The following RIT2 variants were observed in gnomAD, a reference collection of about 807,000 sequenced individuals.
RIT2 encodes Ras like without CAAX 2.
Under a neutral mutation model 23.7 loss-of-function variants are expected in RIT2, and 24 were observed. The ratio of observed to expected loss-of-function variants is 1.01; its 90% CI spans 0.73 to 1.43. RIT2 has a LOEUF of 1.43. RIT2 is among the 40% of genes most tolerant of loss of function. The pLI, the probability that RIT2 is intolerant of heterozygous loss-of-function variation, is 0.00. For synonymous variants in RIT2, 107 were observed against 91.1 expected, an observed-to-expected ratio of 1.17 and a Z score of -0.99; for missense variants, 236 against 266.9, an observed-to-expected ratio of 0.88 and a Z score of 0.81.
intron 1 of RIT2, among the ~76,000 whole-genome samples, chr18:43,096,419 CAT>C (rs1913554654): frequency 6.6e-6 from 1 of 151,630 alleles, no homozygotes; most frequent in African/African-American, 2.4e-5. Flanking sequence ...AAGAGTACAC[CAT>C]GTGTATAATA....
intron 1 of RIT2, among the ~76,000 whole-genome samples, chr18:43,106,897 G>C (rs1568084284): frequency 6.6e-6 from 1 of 152,210 alleles, no homozygotes; most frequent in Admixed American, 6.5e-5. Context: ...GCACTGTTTG[G>C]TCAGGGTCAC....
At chr18:43,059,226 C>T (rs984351292) in intron 1 of RIT2, among the ~76,000 whole-genome samples, 9 of 151,996 alleles carry the variant, frequency 5.9e-5, no homozygotes, top group South Asian at 4.1e-4. Flanking sequence ...TACATCACCT[C>T]GTTTATCCCC....
At position 43,034,741 on chromosome 18, in the gene RIT2, C is replaced by G. The variant is rs116683203; in HGVS notation, c.104-874G>C. Among the ~76,000 whole-genome samples the G allele has an allele frequency of 3.6e-3, 543 of 152,282 alleles. 3 individuals are homozygous for G. The highest frequency in any genetic ancestry group is 0.013 in the African/African-American group (523 of 41,570). ...ATTCTGGCTGGGTCTATATATCCCA[C>G]TTGTCAAATCCTGCTAAGTCAGTTT... On this transcript the variant is annotated intron_variant, in intron 1 of 4. Coordinates refer to ENST00000326695, the MANE Select transcript of RIT2 (RefSeq NM_002930.4).
chr18:42,961,496 T>A (rs142926529), intron 3 of RIT2, among the ~76,000 whole-genome samples: 1,724 of 152,294 alleles, frequency 0.011, 17 homozygotes, highest in Non-Finnish European at 0.019. Flanking sequence ...TCTAGTACTA[T>A]CCTCTGATAA....
intron 4 of RIT2, among the ~76,000 whole-genome samples, chr18:42,783,394 A>C (rs2143935566): frequency 6.6e-6 from 1 of 152,244 alleles, no homozygotes; most frequent in African/African-American, 2.4e-5. Flanking sequence ...GAAGGAAATA[A>C]AGATTTTACA....
intron 1 of RIT2, among the ~76,000 whole-genome samples, chr18:43,051,168 C>T (rs1208496919): frequency 1.3e-5 from 2 of 152,106 alleles, no homozygotes; most frequent in Middle Eastern, 6.8e-3. Flanking sequence ...AGAGGAGACC[C>T]AGTTCACTAC....
At chr18:42,871,042 A>T (rs1907610347) in intron 4 of RIT2, among the ~76,000 whole-genome samples, 1 of 152,152 alleles carries the variant, frequency 6.6e-6, no homozygotes, top group South Asian at 2.1e-4. Flanking sequence ...CTATGTTCTG[A>T]CTGTGATGAC....
At chr18:42,870,874 T>G (rs1021878089) in intron 4 of RIT2, among the ~76,000 whole-genome samples, 9 of 152,334 alleles carry the variant, frequency 5.9e-5, no homozygotes, top group East Asian at 1.9e-4. Flanking sequence ...TTCAATAGCC[T>G]TATAGTACAC....
chr18:42,871,389 TA>T (rs1286978857), intron 4 of RIT2, among the ~76,000 whole-genome samples: 1 of 152,296 alleles, frequency 6.6e-6, no homozygotes, highest in East Asian at 1.9e-4. Context: ...TGTGTGTGTA[TA>T]CATGCACACA....
intron 4 of RIT2, among the ~76,000 whole-genome samples, chr18:42,769,390 G>T (rs929472660): frequency 1.3e-5 from 2 of 151,646 alleles, no homozygotes; most frequent in South Asian, 2.1e-4. Context: ...CCATTGCCTG[G>T]GACTCCTTTC....
chr18:43,031,456 T>C (rs1431572809), intron 2 of RIT2, among the ~76,000 whole-genome samples: 1 of 151,960 alleles, frequency 6.6e-6, no homozygotes, highest in Non-Finnish European at 1.5e-5. Context: ...TCTCCTCTGC[T>C]TTAACCCTTA....
At chr18:42,941,832 T>C (rs534198112) in intron 3 of RIT2, among the ~76,000 whole-genome samples, 2 of 152,246 alleles carry the variant, frequency 1.3e-5, no homozygotes, top group Admixed American at 6.5e-5. Context: ...GTTAATTTTA[T>C]GAACAACCCT....
chr18:42,897,457 A>C (rs1446699201), intron 4 of RIT2, among the ~76,000 whole-genome samples: 1 of 152,218 alleles, frequency 6.6e-6, no homozygotes, highest in Non-Finnish European at 1.5e-5. Flanking sequence ...GTAAGGACAG[A>C]AGAATAAAAC....
At chr18:42,924,390 T>A (rs971976775) in intron 3 of RIT2, among the ~76,000 whole-genome samples, 2 of 152,022 alleles carry the variant, frequency 1.3e-5, no homozygotes, top group Admixed American at 1.3e-4. Flanking sequence ...AACAGAAGGA[T>A]CTGGATTGCT....
intron 4 of RIT2, among the ~76,000 whole-genome samples, chr18:42,796,067 C>A (rs900802791): frequency 6.6e-6 from 1 of 152,128 alleles, no homozygotes; most frequent in Non-Finnish European, 1.5e-5. Context: ...AGTGGCAACC[C>A]GCTCAGGTCC....
chr18:42,898,956 A>G (rs1469126748), intron 4 of RIT2, among the ~76,000 whole-genome samples: 1 of 152,184 alleles, frequency 6.6e-6, no homozygotes, highest in Non-Finnish European at 1.5e-5. Context: ...ATTACAAATG[A>G]TGCTCACTTT....
At chr18:42,827,476 G>A (rs556981321) in intron 4 of RIT2, among the ~76,000 whole-genome samples, 6 of 151,824 alleles carry the variant, frequency 4.0e-5, no homozygotes, top group African/African-American at 9.7e-5. Flanking sequence ...AAAATCAAAC[G>A]CTTTTTTTAA....
rs1383944365 is a variant in RIT2, at chr18:42,890,006, C to T, written c.426+33566G>A. Reference sequence around the variant, plus strand: ...CCCATCTCCTCCAAATGTTCAGCCTCTGAGTGACTAAATATATTTATACGT... The same window carrying T: ...CCCATCTCCTCCAAATGTTCAGCCTTTGAGTGACTAAATATATTTATACGT... On this transcript the variant is annotated intron_variant, in intron 4 of 4. Transcript: ENST00000326695. 5.3e-5 allele frequency among the ~76,000 whole-genome samples: 8 copies of T among 151,962 alleles called. 1 individual carries two copies. Among genetic ancestry groups the T allele is most frequent in the Admixed American group, 4.6e-4 (7 of 15,242 alleles).
chr18:42,829,812 ACAT>A (rs1234234141), intron 4 of RIT2, among the ~76,000 whole-genome samples: 1 of 152,206 alleles, frequency 6.6e-6, no homozygotes, highest in African/African-American at 2.4e-5. Context: ...AGCAAACAAA[ACAT>A]CATATAAAAG....
Sources: gnomAD v4.1 joint callset for allele counts (sites outside exome capture counted in the v4.1 genomes callset) on GRCh38, gnomAD v4.1.1 for gene constraint, MANE v1.5 for transcripts, NCBI Gene and HGNC (gene_info 2026-07-23, HGNC 2026-07-21) for gene names.